ASAP1: variants seen among roughly 807,000 people sequenced by gnomAD.
ASAP1 encodes ArfGAP with SH3 domain, ankyrin repeat and PH domain 1, also known as arf-GAP with SH3 domain, ANK repeat and PH domain-containing protein 1.
A neutral mutation model predicts 145.2 loss-of-function variants in ASAP1; 43 were observed. The ratio of observed to expected loss-of-function variants is 0.30; its 90% confidence interval spans 0.23 to 0.38. The LOEUF (loss-of-function observed/expected upper bound fraction) is 0.38, where lower values mean the gene tolerates loss of function less well. Ranked by LOEUF, ASAP1 falls within the 10% of genes least tolerant of loss-of-function variation. The pLI is 1.00. For missense variants in ASAP1, 1,018 were observed against 1,355.3 expected (o/e 0.75, Z 3.91); for synonymous variants, 546 against 515.5 (o/e 1.06, Z -0.80).
At chr8:130,310,757 A>G (rs1823292844) in intron 3 of ASAP1, among the ~76,000 whole-genome samples, 1 of 152,204 alleles carries the variant, frequency 6.6e-6, no homozygotes, top group Non-Finnish European at 1.5e-5. Context: ...CCACCAAAGG[A>G]AATAGTCTTT....
intron 4 of ASAP1, among the ~76,000 whole-genome samples, chr8:130,215,086 G>A (rs546757265): frequency 1.4e-4 from 22 of 151,884 alleles, no homozygotes; most frequent in Non-Finnish European, 2.5e-4. Context: ...ATTTTTAGTA[G>A]AGACAGGGTT....
chr8:130,274,154 T>C (rs1035650858), intron 3 of ASAP1, among the ~76,000 whole-genome samples: 1 of 152,218 alleles, frequency 6.6e-6, no homozygotes, highest in Non-Finnish European at 1.5e-5. Flanking sequence ...TACTAATGTA[T>C]ACCTCCCTGC....
At chr8:130,421,345 C>T (rs1297853503) in intron 1 of ASAP1, among the ~76,000 whole-genome samples, 3 of 152,194 alleles carry the variant, frequency 2.0e-5, no homozygotes, top group African/African-American at 7.2e-5. Flanking sequence ...TCAACCAAGC[C>T]TCAGAGGACA....
chr8:130,115,895 T>C (rs144493149), intron 22 of ASAP1, among the ~76,000 whole-genome samples, 160 bp from the exon 23 acceptor site: 116 of 152,374 alleles, frequency 7.6e-4, no homozygotes, highest in African/African-American at 2.7e-3. Flanking sequence ...CACTGCTATG[T>C]GACAGGCTCA....
intron 9 of ASAP1, among the ~76,000 whole-genome samples, chr8:130,177,692 A>C (rs184885407): frequency 1.7e-4 from 26 of 152,308 alleles, no homozygotes; most frequent in Non-Finnish European, 1.0e-4. Context: ...GGTACAATTT[A>C]CTTTGAAAAA....
chr8:130,331,404 C>T (rs1177163006), intron 3 of ASAP1, among the ~76,000 whole-genome samples: 3 of 152,164 alleles, frequency 2.0e-5, no homozygotes, highest in Admixed American at 1.3e-4. Context: ...ACTGTGTCAA[C>T]TTGGTCAGTT....
intron 5 of ASAP1, among the ~76,000 whole-genome samples, chr8:130,192,786 T>C (rs1471890971): frequency 6.6e-6 from 1 of 152,204 alleles, no homozygotes; most frequent in Non-Finnish European, 1.5e-5. Flanking sequence ...CTCACTGCTA[T>C]ATTCCCAGAA....
At chr8:130,183,530 C>T (rs1814512260) in intron 7 of ASAP1, among the ~76,000 whole-genome samples, 1 of 151,948 alleles carries the variant, frequency 6.6e-6, no homozygotes, top group Admixed American at 6.6e-5. Flanking sequence ...TTAGTAGAGA[C>T]AAGGTTTTGC....
At chr8:130,192,916 C>G (rs1815236726) in intron 5 of ASAP1, among the ~76,000 whole-genome samples, 1 of 152,128 alleles carries the variant, frequency 6.6e-6, no homozygotes. Context: ...AGTTACGTGC[C>G]TATCAATAGG....
chr8:130,092,253 A>T, intron 24 of ASAP1, 110 bp from the exon 25 acceptor site: 1 of 1,215,312 alleles, frequency 8.2e-7, no homozygotes, highest in Non-Finnish European at 1.1e-6. Context: ...ACACACAGAG[A>T]CAAAAGCAAA....
chr8:130,232,197 G>C (rs188465946), intron 4 of ASAP1, among the ~76,000 whole-genome samples: 1 of 152,342 alleles, frequency 6.6e-6, no homozygotes, highest in African/African-American at 2.4e-5. Flanking sequence ...CTATTCATTA[G>C]AAGGGAGTTA....
At chr8:130,142,981 C>G (rs182357736) in intron 13 of ASAP1, among the ~76,000 whole-genome samples, 1 of 152,068 alleles carries the variant, frequency 6.6e-6, no homozygotes, top group Non-Finnish European at 1.5e-5. Flanking sequence ...GAGCTACGTA[C>G]GGTAGTGGTG....
At chr8:130,163,397 G>A (rs1009222831) in intron 11 of ASAP1, among the ~76,000 whole-genome samples, 1 of 152,078 alleles carries the variant, frequency 6.6e-6, no homozygotes, top group Non-Finnish European at 1.5e-5. Context: ...CAAACTCCTC[G>A]GAGTGAATGT....
At chr8:130,300,606 G>A (rs1822602577) in intron 3 of ASAP1, among the ~76,000 whole-genome samples, 1 of 152,234 alleles carries the variant, frequency 6.6e-6, no homozygotes, top group Non-Finnish European at 1.5e-5. Flanking sequence ...AGCCAAGGTA[G>A]AGAACCACAG....
intron 26 of ASAP1, among the ~76,000 whole-genome samples, chr8:130,076,960 C>A (rs1267036314): frequency 6.6e-6 from 1 of 152,190 alleles, no homozygotes; most frequent in Non-Finnish European, 1.5e-5. Context: ...TATGAAGGCA[C>A]CTGGCACACT....
intron 1 of ASAP1, among the ~76,000 whole-genome samples, chr8:130,418,247 C>T (rs1829568493): frequency 6.6e-6 from 1 of 152,164 alleles, no homozygotes; most frequent in Admixed American, 6.6e-5. Context: ...CAATTAATCA[C>T]AATTTAAAGT....
chr8:130,407,886 C>T (rs1236283579), intron 1 of ASAP1, among the ~76,000 whole-genome samples: 1 of 152,222 alleles, frequency 6.6e-6, no homozygotes, highest in Non-Finnish European at 1.5e-5. Context: ...TCATCTGCAG[C>T]TGGTTACAGC....
intron 3 of ASAP1, among the ~76,000 whole-genome samples, chr8:130,259,784 G>C (rs991931439): frequency 1.3e-5 from 2 of 152,138 alleles, no homozygotes; most frequent in Non-Finnish European, 2.9e-5. Flanking sequence ...AAGTATAAAA[G>C]GTTAGATTTT....
chr8:130,348,196 C>A (rs948412576), intron 3 of ASAP1, among the ~76,000 whole-genome samples: 6 of 152,152 alleles, frequency 3.9e-5, no homozygotes, highest in Non-Finnish European at 7.4e-5. Context: ...GGTATCCAGG[C>A]TATTTTAATA....
Sources: allele counts gnomAD v4.1 joint callset (sites outside exome capture counted in the v4.1 genomes callset), GRCh38; gene constraint gnomAD v4.1.1; transcripts MANE v1.5; gene names NCBI Gene and HGNC (gene_info 2026-07-23, HGNC 2026-07-21).